Variants in KIF18B observed in about 807,000 individuals in gnomAD.
The protein encoded by KIF18B is kinesin family member 18B, also known as kinesin-like protein KIF18B.
A neutral mutation model predicts 80.9 loss-of-function variants in KIF18B; 49 were observed. The ratio of observed to expected loss-of-function variants is 0.61; its 90% CI spans 0.48 to 0.77. KIF18B has a LOEUF of 0.77. KIF18B is among the 30% of genes least tolerant of loss of function. The pLI, the probability that KIF18B is intolerant of heterozygous loss-of-function variation, is 0.00. For synonymous variants in KIF18B, 439 were observed against 463.9 expected (o/e 0.95, Z 0.69); for missense variants, 994 against 1,127.7 (o/e 0.88, Z 1.70).
In KIF18B at chr17:44,936,064, A is replaced by G. The variant is rs1213936324; in HGVS notation, c.281T>C (p.Leu94Pro). 1 of 1,613,686 alleles carries G rather than the reference A, an allele frequency of 6.2e-7. No individual in the cohort carries two copies. Among genetic ancestry groups the G allele is most frequent in the Non-Finnish European group, 8.5e-7 (1 of 1,179,896 alleles). Residue 94 changes from leucine (L) to proline (P), a missense_variant, in exon 2 of 16, where the codon CTG becomes CCG. Leu to Pro is a moderately conservative substitution (Grantham distance 98, BLOSUM62 -3). Transcript: ENST00000593135. ...GTTGTAGCCCTGGAGGAAGCTGTCCAGGACGCTGTGCGTGGTGTGCTGGAA... is the reference window on the plus strand; with the variant it reads ...GTTGTAGCCCTGGAGGAAGCTGTCCGGGACGCTGTGCGTGGTGTGCTGGAA... ...DVFQHTTHSV[L>P]DSFLQGYNCS...
intron 1 of KIF18B, among the ~76,000 whole-genome samples, chr17:44,946,364 G>A (rs1016771328): frequency 6.6e-5 from 10 of 152,108 alleles, no homozygotes; most frequent in South Asian, 2.1e-4. Context: ...AATGGGCAGA[G>A]AATGACTGGA....
chr17:44,938,429 G>T (rs2052350349), intron 1 of KIF18B, among the ~76,000 whole-genome samples: 1 of 152,066 alleles, frequency 6.6e-6, no homozygotes, highest in Non-Finnish European at 1.5e-5. Flanking sequence ...TTCTACCCTG[G>T]CCATAGTGAA....
chr17:44,936,598 CTA>C (rs1218900628), intron 1 of KIF18B, among the ~76,000 whole-genome samples: 576 of 27,818 alleles, frequency 0.021, 4 homozygotes, highest in East Asian at 0.057. Context: ...CTCTCTCTCT[CTA>C]TATATATATA....
intron 1 of KIF18B, among the ~76,000 whole-genome samples, chr17:44,944,302 G>C (rs2052471147): frequency 6.6e-6 from 1 of 151,898 alleles, no homozygotes; most frequent in Non-Finnish European, 1.5e-5. Flanking sequence ...GAGTGCAATG[G>C]CGTGGTCTCA....
rs532196830 is a variant in KIF18B, at chr17:44,931,972, C to G, written c.1389+84G>C. 4.1e-5 allele frequency: 60 copies of G among 1,446,494 alleles called. No individual in the cohort carries two copies. In the South Asian group the frequency reaches 4.2e-4, roughly 10 times the overall value. 89.6% of individuals were successfully genotyped at this position (1,446,494 alleles called of 1,614,324 possible). On this transcript the variant is annotated intron_variant, in intron 10 of 15. Coordinates refer to ENST00000593135, the MANE Select transcript of KIF18B (RefSeq NM_001265577.2). The stretch of plus-strand genomic sequence containing the variant: ...ACATAGAGACGGGACTAAAGGGACT[C>G]TGAGTCAGGGAGAGGCAATTTTTCC...
chr17:44,926,594 G>T, intron 14 of KIF18B, 95 bp from the exon 15 acceptor site: 1 of 1,234,314 alleles, frequency 8.1e-7, no homozygotes, highest in Non-Finnish European at 1.1e-6. Context: ...TTGACACTAA[G>T]CCCTGAGAGC....
Position 44,932,759 on chromosome 17 carries a change from C to T in KIF18B, c.1152G>A (p.Arg384=), listed in dbSNP as rs767059425. 11 of 1,613,280 alleles carry T rather than the reference C, an allele frequency of 6.8e-6. No individual in the cohort carries two copies. The highest frequency in any genetic ancestry group is 3.3e-4 in the Middle Eastern group (2 of 6,018). Residue 384 remains arginine (R), a synonymous_variant, in exon 9 of 16, where the codon AGG becomes AGA. Transcript: ENST00000593135. ...QQLQAEVAAL[R]KKLQVYEGGG... ...CCCCCTCATACACTTGGAGCTTCTTCCTCAGAGCGGCTACCTGGAACAGAA... is the reference window on the plus strand; with the variant it reads ...CCCCCTCATACACTTGGAGCTTCTTTCTCAGAGCGGCTACCTGGAACAGAA...
chr17:44,934,599 G>C lies in KIF18B; in HGVS notation c.595C>G (p.Leu199Val), dbSNP rs2052236561. Residue 199 changes from leucine (L) to valine (V), a missense_variant, in exon 5 of 16, where the codon CTG (leucine) becomes GTG (valine). By Grantham distance (32) the Leu-to-Val change is conservative. Coordinates refer to ENST00000593135, the MANE Select transcript of KIF18B (RefSeq NM_001265577.2). This position sits in a 1 kb window ranked among gnomAD's most constrained non-coding sequence, Gnocchi z 5.4. ...SFHQPASAEQ[L>V]LEILTRGNRN... is the part of the protein sequence containing the mutation. ...TTCCCCCTGGTCAGTATCTCCAGCA[G>C]CTGCTCGGCTGAGGCTGGCTACAGA... The C allele has an allele frequency of 6.2e-7, 1 of 1,608,596 alleles. No individual in the cohort carries two copies.
chr17:44,939,274 G>A (rs1233607284), intron 1 of KIF18B, among the ~76,000 whole-genome samples: 1 of 145,254 alleles, frequency 6.9e-6, no homozygotes, highest in Non-Finnish European at 1.5e-5. Context: ...GGAAGGCTGA[G>A]GTAGGAGAAC....
chr17:44,932,590 C>T (rs2052180312), intron 9 of KIF18B, 83 bp downstream of exon 9: 1 of 814,210 alleles, frequency 1.2e-6, no homozygotes, highest in South Asian at 1.4e-5. Flanking sequence ...GAGTCCTAGT[C>T]CTCCAGAAAC....
Position 44,925,902 on chromosome 17 carries a change from G to T in KIF18B, c.*178C>A. 1 of 651,636 alleles carries T rather than the reference G, an allele frequency of 1.5e-6. No individual in the cohort carries two copies. 40.4% of individuals were successfully genotyped at this position (651,636 alleles called of 1,614,324 possible). A position where few individuals can be genotyped will look rare whatever the true frequency, so the allele number is the denominator to read the frequency against. The stretch of plus-strand genomic sequence containing the variant: ...GTAACAGGAGATTAACAGAGGGTGA[G>T]TAGCAGGATGGATGTCTGGGGAGGG... On this transcript the variant is annotated 3_prime_UTR_variant, in exon 16 of 16. Transcript: ENST00000593135.
At chr17:44,931,572 G>C in intron 11 of KIF18B, 30 bp downstream of exon 11, 1 of 1,613,756 alleles carries the variant, frequency 6.2e-7, no homozygotes. Context: ...TTCCCACCTT[G>C]ATTCCAGAAT....
chr17:44,942,710 GAATA>G (rs1266211575), intron 1 of KIF18B, among the ~76,000 whole-genome samples: 1 of 152,156 alleles, frequency 6.6e-6, no homozygotes, highest in African/African-American at 2.4e-5. Flanking sequence ...TTTGTCCTAT[GAATA>G]AATAAGGGCC....
chr17:44,938,470 A>C (rs1342133120), intron 1 of KIF18B, among the ~76,000 whole-genome samples: 1 of 152,184 alleles, frequency 6.6e-6, no homozygotes, highest in Non-Finnish European at 1.5e-5. Flanking sequence ...CAGACATGTC[A>C]ATCTTTTCTT....
At chr17:44,930,555 C>A (rs1029307115) in intron 11 of KIF18B, among the ~76,000 whole-genome samples, 1 of 152,224 alleles carries the variant, frequency 6.6e-6, no homozygotes, top group African/African-American at 2.4e-5. Flanking sequence ...AACGATCTGG[C>A]TGTTAGGACG....
intron 1 of KIF18B, 136 bp from the exon 2 acceptor site, chr17:44,936,494 G>T: frequency 3.3e-6 from 2 of 611,048 alleles, no homozygotes; most frequent in East Asian, 3.1e-5. Context: ...TAAAAATATT[G>T]GTGCTGAAAC....
At chr17:44,936,562 CT>C (rs2052299812) in intron 1 of KIF18B, among the ~76,000 whole-genome samples, 1 of 25,032 alleles carries the variant, frequency 4.0e-5, no homozygotes, top group Non-Finnish European at 8.5e-5. Flanking sequence ...ATGACTCTCT[CT>C]CTCTCTCTCT....
chr17:44,945,685 AC>A (rs1166084909), intron 1 of KIF18B, among the ~76,000 whole-genome samples: 1 of 151,786 alleles, frequency 6.6e-6, no homozygotes, highest in African/African-American at 2.4e-5. Flanking sequence ...TGGGTGGATC[AC>A]CTGACGTCAG....
rs777459641 is a variant in KIF18B at position 44,926,512 on chromosome 17, A to G, written c.2367-13T>C. 21 of 1,574,358 alleles carry G rather than the reference A, an allele frequency of 1.3e-5. No individual in the cohort carries two copies. Among genetic ancestry groups the G allele is most frequent in the Non-Finnish European group, 1.6e-5 (19 of 1,162,670 alleles). ...GGAGACTGAGGAACTGAGGGAGGAA[A>G]GGAGGGAAGGTGGAAGGTTACGGCC... is the stretch of plus-strand genomic sequence containing the variant. On this transcript the variant is annotated splice_polypyrimidine_tract_variant and intron_variant, in intron 14 of 15. Coordinates refer to ENST00000593135, the MANE Select transcript of KIF18B (RefSeq NM_001265577.2).
Sources: gnomAD v4.1 joint callset for allele counts (sites outside exome capture counted in the v4.1 genomes callset) on GRCh38, gnomAD v4.1.1 for gene constraint, Gnocchi (gnomAD v3.1) non-coding constraint, MANE v1.5 for transcripts, NCBI Gene and HGNC (gene_info 2026-07-23, HGNC 2026-07-21) for gene names.